Variants in DDX10 observed in about 807,000 individuals in gnomAD.
DDX10 encodes DEAD-box helicase 10.
A neutral mutation model predicts 104.3 loss-of-function variants in DDX10; 74 were observed. The ratio of observed to expected loss-of-function variants is 0.71; its 90% CI spans 0.59 to 0.86. The LOEUF (loss-of-function observed/expected upper bound fraction) is 0.86, where lower values mean the gene tolerates loss of function less well. Among genes scored for constraint, DDX10 ranks in the 40% least tolerant of loss-of-function variants. The pLI is 0.00. For synonymous variants in DDX10, 351 were observed against 353.4 expected, an observed-to-expected ratio of 0.99 and a Z score of 0.08; for missense variants, 952 against 1,040.0, an observed-to-expected ratio of 0.92 and a Z score of 1.16.
chr11:108,689,373 C>T (rs1243858360), intron 7 of DDX10, among the ~76,000 whole-genome samples: 1 of 152,142 alleles, frequency 6.6e-6, no homozygotes, highest in Admixed American at 6.5e-5. Context: ...CCTCCCTTAC[C>T]CTCCAAGAAT....
intron 13 of DDX10, among the ~76,000 whole-genome samples, chr11:108,825,492 A>C (rs531554521): frequency 1.3e-5 from 2 of 152,294 alleles, no homozygotes; most frequent in Non-Finnish European, 1.5e-5. Flanking sequence ...GGCAGTATCA[A>C]TAGAGGTTTT....
intron 13 of DDX10, among the ~76,000 whole-genome samples, chr11:108,777,872 A>C (rs1420858162): frequency 6.6e-6 from 1 of 152,210 alleles, no homozygotes; most frequent in Non-Finnish European, 1.5e-5. Flanking sequence ...CAGTGTGCAA[A>C]AATCACAAGC....
rs188367845 is a variant in DDX10 at position 108,940,419 on chromosome 11, G to A, written c.2624G>A (p.Ser875Asn). ...ELVLHLLRSQ[S>N] is the part of the protein sequence containing the mutation. Reference sequence around the variant, plus strand: ...GTGTTACATCTGCTAAGAAGTCAAAGCTAAATACTTCCTGCGCCTGCCTTC... The same window carrying A: ...GTGTTACATCTGCTAAGAAGTCAAAACTAAATACTTCCTGCGCCTGCCTTC... Residue 875 changes from serine (S) to asparagine (N), a missense_variant, in exon 18 of 18, where the codon AGC becomes AAC. This residue lies in a region of DDX10 where 533 missense variants were observed against 534.1 expected (regional missense o/e 1.00). Transcript: ENST00000322536. The A allele has an allele frequency of 3.7e-6, 6 of 1,612,694 alleles. No homozygotes were observed. Among genetic ancestry groups the A allele is most frequent in the Non-Finnish European group, 4.2e-6 (5 of 1,179,522 alleles).
At chr11:108,676,924 G>T (rs572981843) in intron 3 of DDX10, among the ~76,000 whole-genome samples, 161 bp from the exon 4 acceptor site, 1 of 152,030 alleles carries the variant, frequency 6.6e-6, no homozygotes, top group African/African-American at 2.4e-5. Context: ...GGATGGTTCT[G>T]ATGGAAGATA....
intron 17 of DDX10, among the ~76,000 whole-genome samples, chr11:108,938,815 T>C (rs577475146): frequency 6.6e-6 from 1 of 152,296 alleles, no homozygotes; most frequent in African/African-American, 2.4e-5. Flanking sequence ...TTTCCAGTTT[T>C]GCATCAAGCT....
intron 16 of DDX10, 99 bp downstream of exon 16, chr11:108,852,308 T>A: frequency 1.2e-6 from 1 of 802,950 alleles, no homozygotes; most frequent in African/African-American, 1.8e-5. Context: ...AATGTTAAAA[T>A]GGAATTTAAA....
chr11:108,793,583 CAT>C lies in DDX10; in HGVS notation c.1966-44858_1966-44857del, dbSNP rs1861899582. On this transcript the variant is annotated intron_variant, in intron 13 of 17. Transcript: ENST00000322536. The stretch of plus-strand genomic sequence containing the variant: ...CTATTATAAATGGTGTTTTAAAAAA[CAT>C]ATATTTCCAACTGTGAATTGCTTTT... 3.3e-5 allele frequency among the ~76,000 whole-genome samples: 5 copies of C among 152,266 alleles called. No homozygotes were observed. The South Asian group carries it at 1.0e-3, about 32-fold the overall frequency.
chr11:108,887,450 C>G (rs553016744), intron 16 of DDX10, among the ~76,000 whole-genome samples: 42 of 150,248 alleles, frequency 2.8e-4, no homozygotes, highest in Middle Eastern at 3.5e-3. Flanking sequence ...TGTTCTAGTT[C>G]TGTCATTTTT....
At chr11:108,883,375 G>A (rs939401625) in intron 16 of DDX10, among the ~76,000 whole-genome samples, 3 of 151,968 alleles carry the variant, frequency 2.0e-5, no homozygotes, top group Admixed American at 6.6e-5. Context: ...CTGTTACCAC[G>A]AATGAATCGT....
intron 16 of DDX10, among the ~76,000 whole-genome samples, chr11:108,912,369 G>A (rs1275847763): frequency 2.0e-5 from 3 of 152,050 alleles, no homozygotes; most frequent in African/African-American, 7.2e-5. Context: ...GAGTCTAGTT[G>A]ATTCTCCTTC....
intron 13 of DDX10, among the ~76,000 whole-genome samples, chr11:108,789,174 C>G (rs1861835582): frequency 6.6e-6 from 1 of 152,186 alleles, no homozygotes; most frequent in African/African-American, 2.4e-5. Flanking sequence ...TCCCTTAAAT[C>G]AGGTACTTCC....
intron 17 of DDX10, among the ~76,000 whole-genome samples, chr11:108,930,179 C>T (rs1863959148): frequency 6.6e-6 from 1 of 152,160 alleles, no homozygotes; most frequent in Non-Finnish European, 1.5e-5. Flanking sequence ...TTTCCGAATC[C>T]CTTGCAACCA....
chr11:108,801,475 G>A (rs1677218930), intron 13 of DDX10, among the ~76,000 whole-genome samples: 2 of 152,176 alleles, frequency 1.3e-5, no homozygotes, highest in South Asian at 4.1e-4. Flanking sequence ...GTAAAGAAAA[G>A]TCTGCAAGAT....
intron 13 of DDX10, among the ~76,000 whole-genome samples, chr11:108,780,403 T>C (rs1307783573): frequency 2.0e-5 from 3 of 152,178 alleles, no homozygotes; most frequent in Admixed American, 2.0e-4. Flanking sequence ...GAGATGACTT[T>C]AAGAGGGGTG....
At chr11:108,848,967 T>A (rs1441536557) in intron 15 of DDX10, among the ~76,000 whole-genome samples, 1 of 152,198 alleles carries the variant, frequency 6.6e-6, no homozygotes, top group Non-Finnish European at 1.5e-5. Flanking sequence ...ATTTAACTAG[T>A]GAATCAGTGT....
intron 13 of DDX10, among the ~76,000 whole-genome samples, chr11:108,752,209 G>A (rs996474935): frequency 6.6e-6 from 1 of 152,094 alleles, no homozygotes; most frequent in Non-Finnish European, 1.5e-5. Context: ...TGGCTTTTCT[G>A]TGGAAGTGTT....
intron 13 of DDX10, among the ~76,000 whole-genome samples, chr11:108,805,316 A>G (rs1015023217): frequency 6.6e-6 from 1 of 152,270 alleles, no homozygotes; most frequent in African/African-American, 2.4e-5. Context: ...TTGAGCCTCC[A>G]CACTGGAAGC....
chr11:108,876,112 G>A (rs1167319508), intron 16 of DDX10, among the ~76,000 whole-genome samples: 2 of 152,084 alleles, frequency 1.3e-5, no homozygotes, highest in East Asian at 3.9e-4. Flanking sequence ...AAACATTACT[G>A]ATAATTGACT....
chr11:108,760,878 G>C (rs1004946836), intron 13 of DDX10, among the ~76,000 whole-genome samples: 5 of 151,838 alleles, frequency 3.3e-5, no homozygotes, highest in Admixed American at 3.3e-4. Context: ...TTCCTTTTCT[G>C]ATTGGCAGGG....
Sources: allele counts gnomAD v4.1 joint callset (sites outside exome capture counted in the v4.1 genomes callset), GRCh38; gene constraint gnomAD v4.1.1; regional missense constraint gnomAD v4.1.1; transcripts MANE v1.5; gene names NCBI Gene and HGNC (gene_info 2026-07-23, HGNC 2026-07-21).